ABCA13: variants seen among roughly 807,000 people sequenced by gnomAD.
ABCA13 encodes ATP binding cassette subfamily A member 13.
In ABCA13, 476 loss-of-function variants were observed where a neutral mutation model predicts 478.7. The observed-to-expected ratio is 0.99, with a 90% CI of 0.92 to 1.07. ABCA13 has a LOEUF of 1.07. Ranked by LOEUF, ABCA13 falls within the 50% of genes least tolerant of loss-of-function variation. The pLI is 0.00. For synonymous variants in ABCA13, 2,252 were observed against 2,158.9 expected (o/e 1.04, Z -1.20); for missense variants, 6,060 against 5,910.6 (o/e 1.03, Z -0.83).
At chr7:48,467,078 A>G (rs1826963333) in intron 44 of ABCA13, 33 bp downstream of exon 44, 8 of 1,573,224 alleles carry the variant, frequency 5.1e-6, no homozygotes, top group South Asian at 1.1e-5. Context: ...AAAAGTGAAC[A>G]CTCCCAACTG....
chr7:48,553,567 T>A (rs192789536), intron 55 of ABCA13, among the ~76,000 whole-genome samples: 5 of 152,208 alleles, frequency 3.3e-5, no homozygotes, highest in Admixed American at 3.3e-4. Flanking sequence ...ATGAGTGATG[T>A]TGGGAACTTT....
Position 48,455,115 on chromosome 7 carries a change from G to C in ABCA13, c.12644G>C (p.Arg4215Thr). Reference protein sequence around the residue: ...RAQVAAILARRLRRTLRAGKS... With the variant: ...RAQVAAILARTLRRTLRAGKS... ...CAAGTGGCCGCGATCCTGGCCCGGA[G>C]GCTCCGCCGCACGCTGCGCGCCGGG... Residue 4215 changes from arginine to threonine, a missense_variant, in exon 43 of 62, where the codon AGG becomes ACG. Coordinates refer to ENST00000435803, the MANE Select transcript of ABCA13 (RefSeq NM_152701.5). 2 of 1,559,804 alleles carry C rather than the reference G, an allele frequency of 1.3e-6. No homozygotes were observed. Among genetic ancestry groups the C allele is most frequent in the South Asian group, 2.4e-5 (2 of 84,750 alleles).
intron 55 of ABCA13, among the ~76,000 whole-genome samples, chr7:48,564,005 T>C (rs1786758241): frequency 6.6e-6 from 1 of 152,154 alleles, no homozygotes; most frequent in African/African-American, 2.4e-5. Flanking sequence ...TTATTTAGTA[T>C]ATTCCTAACT....
chr7:48,368,211 G>A (rs1301078570), intron 32 of ABCA13, among the ~76,000 whole-genome samples: 1 of 152,154 alleles, frequency 6.6e-6, no homozygotes, highest in Non-Finnish European at 1.5e-5. Context: ...AAACATAGCA[G>A]CAGACTTCCC....
chr7:48,173,862 G>T (rs1027289127), intron 1 of ABCA13, among the ~76,000 whole-genome samples: 3 of 152,200 alleles, frequency 2.0e-5, no homozygotes, highest in African/African-American at 4.8e-5. Context: ...ATAGGAGTGG[G>T]AGCTGTTTTC....
In ABCA13 at chr7:48,245,482, T is replaced by C. The variant is rs181782424; in HGVS notation, c.1391-30T>C. 6.7e-5 allele frequency: 105 copies of C among 1,564,960 alleles called. No homozygotes were observed. The African/African-American group carries it at 1.3e-3, about 19-fold the overall frequency. ...AAAAGTCAAGCTTACTTACCTTAGG[T>C]GAATAATAATCAATTTGTCTACTTT... On this transcript the variant is annotated intron_variant, in intron 11 of 61. Transcript: ENST00000435803.
At chr7:48,386,838 T>A (rs1211043716) in intron 35 of ABCA13, among the ~76,000 whole-genome samples, 1 of 152,166 alleles carries the variant, frequency 6.6e-6, no homozygotes, top group Non-Finnish European at 1.5e-5. Flanking sequence ...AAAGATTTCA[T>A]GACAAAGATG....
At chr7:48,348,558 A>G (rs1808457540) in intron 29 of ABCA13, among the ~76,000 whole-genome samples, 1 of 152,226 alleles carries the variant, frequency 6.6e-6, no homozygotes, top group Non-Finnish European at 1.5e-5. Context: ...TGACGGTCTT[A>G]ACTTAACCAG....
chr7:48,354,089 C>T lies in ABCA13; in HGVS notation c.10688+1602C>T, dbSNP rs140866886. ...GACACTTCATACCCAGTGCAAACAC[C>T]TGAGAGCTCTGAGAATTAGTGATCT... On this transcript the variant is annotated intron_variant, in intron 31 of 61. Transcript: ENST00000435803. Among the ~76,000 whole-genome samples, 676 of 152,078 alleles carry T rather than the reference C, an allele frequency of 4.4e-3. 13 individuals carry two copies. The highest frequency in any genetic ancestry group is 0.016 in the African/African-American group (651 of 41,356).
At chr7:48,363,862 G>A (rs2129009906) in intron 31 of ABCA13, among the ~76,000 whole-genome samples, 1 of 152,108 alleles carries the variant, frequency 6.6e-6, no homozygotes, top group Non-Finnish European at 1.5e-5. Context: ...TTATAGAGGG[G>A]CTTGCCTTGT....
intron 42 of ABCA13, among the ~76,000 whole-genome samples, chr7:48,439,611 A>G (rs1163491014): frequency 6.6e-6 from 1 of 152,104 alleles, no homozygotes; most frequent in Non-Finnish European, 1.5e-5. Context: ...CATTTATAGA[A>G]TTAACAAACT....
At chr7:48,330,477 A>G (rs1563064185) in intron 27 of ABCA13, among the ~76,000 whole-genome samples, 1 of 128,408 alleles carries the variant, frequency 7.8e-6, no homozygotes, top group African/African-American at 3.0e-5. Flanking sequence ...CTGTTTGTCC[A>G]TCCATCCGTC....
Position 48,288,010 on chromosome 7 carries a change from C to T in ABCA13, c.8887C>T (p.Gln2963Ter). The T allele has an allele frequency of 1.2e-6, 2 of 1,613,982 alleles. No homozygotes were observed. Among genetic ancestry groups the T allele is most frequent in the Non-Finnish European group, 1.7e-6 (2 of 1,179,894 alleles). ...DILCATLSCK[Q>*]NGIRHLILSA... ...TTTGTGTGCTACTCTGAGTTGCAAG[C>T]AAAATGGGATAAGGCATCTCATTTT... Residue 2963 changes from glutamine (Q) to a stop codon, truncating the protein, a stop_gained, in exon 20 of 62, where the codon CAA becomes TAA. Transcript: ENST00000435803. LOFTEE classifies it high-confidence loss of function.
chr7:48,410,728 C>T, intron 40 of ABCA13, 51 bp downstream of exon 40: 8 of 1,572,194 alleles, frequency 5.1e-6, no homozygotes, highest in Non-Finnish European at 6.9e-6. Flanking sequence ...CTGTCTGTGG[C>T]ATAAGAAACA....
At chr7:48,626,052 G>A (rs1157667118) in intron 59 of ABCA13, among the ~76,000 whole-genome samples, 1 of 152,176 alleles carries the variant, frequency 6.6e-6, no homozygotes, top group East Asian at 1.9e-4. Flanking sequence ...AGAGACTGGT[G>A]AACGAAATGC....
chr7:48,570,045 G>A (rs1270809877), intron 55 of ABCA13, among the ~76,000 whole-genome samples: 1 of 151,924 alleles, frequency 6.6e-6, no homozygotes. Flanking sequence ...ATTAAATATT[G>A]AATATAGTGT....
intron 31 of ABCA13, among the ~76,000 whole-genome samples, chr7:48,355,753 A>G (rs1395010602): frequency 2.0e-5 from 3 of 151,960 alleles, no homozygotes; most frequent in African/African-American, 7.3e-5. Context: ...ATAGAGAGAC[A>G]TCGAGGAAGA....
chr7:48,394,022 C>T (rs1816466065), intron 38 of ABCA13, among the ~76,000 whole-genome samples: 1 of 152,180 alleles, frequency 6.6e-6, no homozygotes, highest in South Asian at 2.1e-4. Flanking sequence ...AGCTGTTCTC[C>T]CCAGATCATG....
In ABCA13 at chr7:48,489,355, T is replaced by C; in HGVS notation, c.13291+11T>C. The C allele has an allele frequency of 6.4e-7, 1 of 1,556,446 alleles. No individual in the cohort carries two copies. The highest frequency in any genetic ancestry group is 8.8e-7 in the Non-Finnish European group (1 of 1,136,146). ...ACTGGAGACAATACGGTAATGTTAT[T>C]TTTCATGCATTGTAATTCACTACTT... On this transcript the variant is annotated intron_variant, in intron 48 of 61. Coordinates refer to ENST00000435803, the MANE Select transcript of ABCA13 (RefSeq NM_152701.5).
Sources: gnomAD v4.1 joint callset for allele counts (sites outside exome capture counted in the v4.1 genomes callset) on GRCh38, gnomAD v4.1.1 for gene constraint, MANE v1.5 for transcripts, NCBI Gene and HGNC (gene_info 2026-07-23, HGNC 2026-07-21) for gene names.